NT5DC1: variants seen among roughly 807,000 people sequenced by gnomAD.
NT5DC1 encodes the protein 5'-nucleotidase domain containing 1, also known as 5'-nucleotidase domain-containing protein 1.
NT5DC1 carries 42 observed loss-of-function variants against 59.4 expected under a neutral mutation model. The observed-to-expected ratio is 0.71, with a 90% CI of 0.55 to 0.92. NT5DC1 has a LOEUF of 0.92. Ranked by LOEUF, NT5DC1 falls within the 40% of genes least tolerant of loss-of-function variation. The pLI, the probability that NT5DC1 is intolerant of heterozygous loss-of-function variation, is 0.00. For synonymous variants in NT5DC1, 172 were observed against 188.1 expected, an observed-to-expected ratio of 0.91 and a Z score of 0.70; for missense variants, 501 against 537.1, an observed-to-expected ratio of 0.93 and a Z score of 0.66.
At chr6:116,218,230 A>G (rs931427460) in intron 6 of NT5DC1, among the ~76,000 whole-genome samples, 2 of 152,154 alleles carry the variant, frequency 1.3e-5, no homozygotes, top group African/African-American at 2.4e-5. Context: ...TTAAATGCGT[A>G]TGCCTTGTAT....
At chr6:116,120,906 C>T in intron 6 of NT5DC1, 2 of 1,613,966 alleles carry the variant, frequency 1.2e-6, no homozygotes, top group Non-Finnish European at 1.7e-6. Context: ...CCTGGTAACC[C>T]TGGGTTACCC....
chr6:116,145,510 G>A, intron 6 of NT5DC1: 1 of 335,172 alleles, frequency 3.0e-6, no homozygotes, highest in South Asian at 2.5e-5. Flanking sequence ...ATTAAAGTGG[G>A]TCCTGTATTA....
chr6:116,130,652 A>G (rs1432130404), intron 6 of NT5DC1, among the ~76,000 whole-genome samples: 4 of 152,104 alleles, frequency 2.6e-5, no homozygotes, highest in Admixed American at 6.6e-5. Flanking sequence ...ACGTATGCAC[A>G]GGGTGTTCAT....
chr6:116,139,771 G>C (rs1170728151), intron 6 of NT5DC1, among the ~76,000 whole-genome samples: 1 of 152,196 alleles, frequency 6.6e-6, no homozygotes, highest in South Asian at 2.1e-4. Context: ...TGCTTAAAAG[G>C]CATTATAAAT....
chr6:116,154,919 A>G (rs1784198146), intron 6 of NT5DC1, among the ~76,000 whole-genome samples: 1 of 152,234 alleles, frequency 6.6e-6, no homozygotes, highest in Non-Finnish European at 1.5e-5. Flanking sequence ...AATAAAAAAC[A>G]TCATTTAGGA....
chr6:116,230,435 G>A (rs1044551202), intron 8 of NT5DC1, among the ~76,000 whole-genome samples: 2 of 152,062 alleles, frequency 1.3e-5, no homozygotes, highest in East Asian at 3.9e-4. Flanking sequence ...TCAAGTTTTT[G>A]TTCTCGCTAT....
chr6:116,185,684 C>T (rs752050188), intron 6 of NT5DC1, among the ~76,000 whole-genome samples: 14 of 152,084 alleles, frequency 9.2e-5, no homozygotes, highest in East Asian at 1.9e-4. Flanking sequence ...AGAATAGCTA[C>T]GCCTGCTTGC....
intron 6 of NT5DC1, among the ~76,000 whole-genome samples, chr6:116,196,278 A>G (rs55953313): frequency 0.012 from 1,772 of 152,120 alleles, 36 homozygotes; most frequent in African/African-American, 0.041. Context: ...TCCATATCAC[A>G]TTTGTTATTT....
chr6:116,226,384 G>A (rs1781909701), intron 8 of NT5DC1, among the ~76,000 whole-genome samples: 1 of 151,818 alleles, frequency 6.6e-6, no homozygotes, highest in African/African-American at 2.4e-5. Flanking sequence ...TACAATTAAT[G>A]GAAAACTGCA....
intron 8 of NT5DC1, among the ~76,000 whole-genome samples, chr6:116,223,690 C>T (rs181165765): frequency 2.5e-4 from 38 of 152,240 alleles, no homozygotes; most frequent in African/African-American, 8.9e-4. Flanking sequence ...GAGCCTGATC[C>T]GGAATAGAGA....
chr6:116,159,200 C>G (rs1780274328), intron 6 of NT5DC1, among the ~76,000 whole-genome samples: 1 of 151,790 alleles, frequency 6.6e-6, no homozygotes, highest in Non-Finnish European at 1.5e-5. Context: ...AATTATGTGA[C>G]TTTTTTTGGT....
intron 6 of NT5DC1, among the ~76,000 whole-genome samples, chr6:116,214,726 T>C (rs936792190): frequency 4.6e-5 from 7 of 152,060 alleles, no homozygotes; most frequent in African/African-American, 1.7e-4. Flanking sequence ...TGCAAAGACA[T>C]TTTAGAGGAG....
chr6:116,127,724 TGTGTGTATATATG>T (rs1389922001), intron 6 of NT5DC1, among the ~76,000 whole-genome samples: 1 of 152,194 alleles, frequency 6.6e-6, no homozygotes, highest in Non-Finnish European at 1.5e-5. Flanking sequence ...TTTAATATTT[TGTGTGTATATATG>T]GTGATACACA....
In NT5DC1 at chr6:116,248,157, G is replaced by A. The variant is rs1680218964; in HGVS notation, c.*4133G>A. 1 of 152,198 alleles carries A rather than the reference G, an allele frequency of 6.6e-6. No homozygotes were observed. Among genetic ancestry groups the A allele is most frequent in the South Asian group, 2.1e-4 (1 of 4,824 alleles). The allele number at this position is 152,198 out of a possible 1,614,324, so 9.4% of individuals were successfully genotyped here. ...ATGCCAAATTTATTACGATAGCTGTGATAGAGTAGAAGTTATGCTAGCTTG... is the reference window on the plus strand; with the variant it reads ...ATGCCAAATTTATTACGATAGCTGTAATAGAGTAGAAGTTATGCTAGCTTG... On this transcript the variant is annotated 3_prime_UTR_variant, in exon 12 of 12. Coordinates refer to ENST00000319550, the MANE Select transcript of NT5DC1 (RefSeq NM_152729.3).
chr6:116,154,324 C>T (rs531484040), intron 6 of NT5DC1, among the ~76,000 whole-genome samples: 2 of 152,138 alleles, frequency 1.3e-5, no homozygotes, highest in African/African-American at 4.8e-5. Flanking sequence ...TCACTGAGGC[C>T]GGGATTTCTT....
In NT5DC1 at chr6:116,150,473, C is replaced by T. The variant is rs187908506; in HGVS notation, c.529+32528C>T. On this transcript the variant is annotated intron_variant, in intron 6 of 11. Transcript: ENST00000319550. ...CTAATTTTTCTATTTTTAATAGAGA[C>T]AGGGTTTTACCATGTTGGCCAGGCT... Among the ~76,000 whole-genome samples, 31 of 152,122 alleles carry T rather than the reference C, an allele frequency of 2.0e-4. No individual in the cohort carries two copies. In the East Asian group the frequency reaches 5.0e-3, roughly 25 times the overall value.
intron 6 of NT5DC1, among the ~76,000 whole-genome samples, chr6:116,160,656 G>A (rs1780304945): frequency 6.6e-6 from 1 of 152,068 alleles, no homozygotes; most frequent in Admixed American, 6.5e-5. Flanking sequence ...TGGTTTTGTT[G>A]CATTTGTTGT....
At chr6:116,242,332 C>G (rs916806266) in intron 11 of NT5DC1, among the ~76,000 whole-genome samples, 1 of 152,000 alleles carries the variant, frequency 6.6e-6, no homozygotes, top group African/African-American at 2.4e-5. Context: ...CAGAGCAAGA[C>G]TCTTGTCTCA....
At chr6:116,201,210 G>A (rs922256738) in intron 6 of NT5DC1, among the ~76,000 whole-genome samples, 1 of 151,970 alleles carries the variant, frequency 6.6e-6, no homozygotes, top group African/African-American at 2.4e-5. Context: ...AGATAAAAAA[G>A]TTTAATATAG....
Sources: gnomAD v4.1 joint callset for allele counts (sites outside exome capture counted in the v4.1 genomes callset) on GRCh38, gnomAD v4.1.1 for gene constraint, MANE v1.5 for transcripts, NCBI Gene and HGNC (gene_info 2026-07-23, HGNC 2026-07-21) for gene names.